The following VIT variants were observed in gnomAD, a reference collection of about 807,000 sequenced individuals.
VIT encodes vitrin.
Under a neutral mutation model 78.0 loss-of-function variants are expected in VIT, and 99 were observed. The observed-to-expected ratio is 1.27, with a 90% CI of 1.08 to 1.50. VIT has a LOEUF of 1.50. Among genes scored for constraint, VIT ranks in the 40% most tolerant of loss-of-function variants. The pLI, the probability that VIT is intolerant of heterozygous loss-of-function variation, is 0.00. For synonymous variants in VIT, 374 were observed against 334.3 expected (o/e 1.12, Z -1.29); for missense variants, 1,126 against 875.3 (o/e 1.29, Z -3.61).
chr2:36,797,919 C>A (rs139832705), intron 12 of VIT, among the ~76,000 whole-genome samples: 5 of 152,130 alleles, frequency 3.3e-5, no homozygotes, highest in African/African-American at 1.2e-4. Context: ...GAGAGATTGT[C>A]AGCTGGGGCT....
chr2:36,704,017 C>T (rs760374488), intron 1 of VIT, among the ~76,000 whole-genome samples: 5 of 150,768 alleles, frequency 3.3e-5, no homozygotes, highest in Non-Finnish European at 5.9e-5. Context: ...TTCTGCCTTC[C>T]GGTGTTTGAC....
chr2:36,807,238 G>T (rs1666796855), intron 14 of VIT, among the ~76,000 whole-genome samples: 1 of 152,128 alleles, frequency 6.6e-6, no homozygotes, highest in Non-Finnish European at 1.5e-5. Context: ...AGTCCTGTGG[G>T]GTCCTTGCTC....
At chr2:36,706,286 C>A (rs868533681) in intron 1 of VIT, among the ~76,000 whole-genome samples, 1 of 152,124 alleles carries the variant, frequency 6.6e-6, no homozygotes. Flanking sequence ...TTTCATTTTA[C>A]TACTGATCAT....
chr2:36,746,832 C>T (rs1668165345), intron 4 of VIT, among the ~76,000 whole-genome samples: 2 of 152,006 alleles, frequency 1.3e-5, no homozygotes, highest in Admixed American at 1.3e-4. Context: ...GATTTCTTTT[C>T]TCCCACTGGC....
chr2:36,701,065 A>G (rs1473278326), intron 1 of VIT, among the ~76,000 whole-genome samples: 1 of 149,028 alleles, frequency 6.7e-6, no homozygotes, highest in Non-Finnish European at 1.5e-5. Flanking sequence ...AGTCTTTGCC[A>G]TCCCTGAAAA....
chr2:36,722,389 C>T (rs1398078323), intron 2 of VIT, among the ~76,000 whole-genome samples: 2 of 152,160 alleles, frequency 1.3e-5, no homozygotes, highest in African/African-American at 2.4e-5. Context: ...TAAAGGATGA[C>T]CTCCAAAGCT....
At chr2:36,795,981 GA>G (rs1456813278) in intron 12 of VIT, among the ~76,000 whole-genome samples, 4 of 151,838 alleles carry the variant, frequency 2.6e-5, no homozygotes, top group Non-Finnish European at 4.4e-5. Flanking sequence ...GGTGCATTCA[GA>G]AAAAGAAGAG....
intron 7 of VIT, 81 bp downstream of exon 7, chr2:36,767,366 C>T: frequency 7.4e-7 from 1 of 1,352,934 alleles, no homozygotes; most frequent in Non-Finnish European, 9.6e-7. Context: ...GTCTGAGCAT[C>T]TACTGGGCTG....
chr2:36,781,664 T>G (rs1177725137), intron 9 of VIT, 63 bp from the exon 10 acceptor site: 1 of 1,580,482 alleles, frequency 6.3e-7, no homozygotes, highest in African/African-American at 1.3e-5. Flanking sequence ...GGCAATTCAC[T>G]CAAGAGTTTC....
chr2:36,812,081 A>G (rs1443503187), intron 15 of VIT, among the ~76,000 whole-genome samples: 1 of 152,214 alleles, frequency 6.6e-6, no homozygotes, highest in African/African-American at 2.4e-5. Context: ...CTCTGCAGCA[A>G]AGCTGCTCTC....
chr2:36,801,411 G>A lies in VIT; in HGVS notation c.1162+7G>A, dbSNP rs1666316292. 6.3e-7 allele frequency: 1 copy of A among 1,597,140 alleles called. No homozygotes were observed. The highest frequency in any genetic ancestry group is 1.3e-5 in the African/African-American group (1 of 74,494). ...GGAGGACTTTCTAATGTAGGTATGT[G>A]ATCCGGATTCAAATTATACTATCTT... is the stretch of plus-strand genomic sequence containing the variant. On this transcript the variant is annotated splice_region_variant and intron_variant, in intron 13 of 15. Coordinates refer to ENST00000379242, the MANE Select transcript of VIT (RefSeq NM_053276.4).
At chr2:36,780,649 G>A (rs1056115754) in intron 9 of VIT, among the ~76,000 whole-genome samples, 1 of 152,172 alleles carries the variant, frequency 6.6e-6, no homozygotes, top group African/African-American at 2.4e-5. Flanking sequence ...TGCAGTAACA[G>A]ATTGCCTTTC....
chr2:36,752,406 C>A (rs571737833), intron 4 of VIT, among the ~76,000 whole-genome samples: 2 of 152,154 alleles, frequency 1.3e-5, no homozygotes, highest in African/African-American at 2.4e-5. Flanking sequence ...AGGGACTGAC[C>A]CTCAGTTATC....
At chr2:36,708,504 T>A (rs1335116096) in intron 1 of VIT, among the ~76,000 whole-genome samples, 1 of 152,068 alleles carries the variant, frequency 6.6e-6, no homozygotes, top group Non-Finnish European at 1.5e-5. Flanking sequence ...AAATGATGAA[T>A]GCAAAAGTAA....
At chr2:36,773,926 A>G (rs1332291231) in intron 8 of VIT, 79 bp downstream of exon 8, 6 of 1,421,880 alleles carry the variant, frequency 4.2e-6, no homozygotes, top group African/African-American at 1.4e-5. Context: ...CATCTTTGCC[A>G]TTTAATTTAG....
Position 36,766,327 on chromosome 2 carries a change from A to G in VIT, c.488-767A>G, listed in dbSNP as rs143872058. Reference sequence around the variant, plus strand: ...AAGAATTGTTTGAGGCCAGGTGTTCAAGATCAGCCTAGGCAACACAGGAAG... The same window carrying G: ...AAGAATTGTTTGAGGCCAGGTGTTCGAGATCAGCCTAGGCAACACAGGAAG... On this transcript the variant is annotated intron_variant, in intron 6 of 15. Coordinates refer to ENST00000379242, the MANE Select transcript of VIT (RefSeq NM_053276.4). 4.5e-3 allele frequency among the ~76,000 whole-genome samples: 692 copies of G among 152,166 alleles called. 6 individuals are homozygous for G. The highest frequency in any genetic ancestry group is 0.016 in the African/African-American group (664 of 41,548).
Position 36,735,365 on chromosome 2 carries a change from C to T in VIT, c.118+5874C>T, listed in dbSNP as rs191492938. 6.6e-5 allele frequency among the ~76,000 whole-genome samples: 10 copies of T among 152,270 alleles called. No homozygotes were observed. The East Asian group carries it at 1.9e-3, about 29-fold the overall frequency. ...TACAATTTTATCCCACCATATTTGG[C>T]TTATCACATTATTTTCTAAATCAAA... is the stretch of plus-strand genomic sequence containing the variant. On this transcript the variant is annotated intron_variant, in intron 3 of 15. Transcript: ENST00000379242.
intron 4 of VIT, among the ~76,000 whole-genome samples, chr2:36,754,200 G>A (rs1161068341): frequency 2.0e-5 from 3 of 152,152 alleles, no homozygotes; most frequent in African/African-American, 7.2e-5. Flanking sequence ...TTCACTCCTG[G>A]AGGGAAGGAA....
At chr2:36,760,549 G>T (rs1243175775) in intron 6 of VIT, among the ~76,000 whole-genome samples, 1 of 152,144 alleles carries the variant, frequency 6.6e-6, no homozygotes, top group African/African-American at 2.4e-5. Context: ...GATATCGCTT[G>T]TCCTCTTTTG....
Sources: gnomAD v4.1 joint callset for allele counts (sites outside exome capture counted in the v4.1 genomes callset) on GRCh38, gnomAD v4.1.1 for gene constraint, MANE v1.5 for transcripts, NCBI Gene and HGNC (gene_info 2026-07-23, HGNC 2026-07-21) for gene names.